ABHD8: variants seen among roughly 807,000 people sequenced by gnomAD.
The protein encoded by ABHD8 is protein ABHD8.
A neutral mutation model predicts 29.3 loss-of-function variants in ABHD8; 10 were observed. The ratio of observed to expected loss-of-function variants is 0.34; its 90% CI spans 0.21 to 0.58. The LOEUF (loss-of-function observed/expected upper bound fraction) is 0.58, where lower values mean the gene tolerates loss of function less well. ABHD8 is among the 20% of genes least tolerant of loss of function. The probability of loss-of-function intolerance (pLI) is 0.85; values close to 1 mark genes in which losing one functional copy is unlikely to be tolerated. For missense variants in ABHD8, 556 were observed against 615.3 expected, an observed-to-expected ratio of 0.90 and a Z score of 1.02; for synonymous variants, 282 against 274.6, an observed-to-expected ratio of 1.03 and a Z score of -0.27.
rs2074074330 is a variant in ABHD8 at position 17,292,421 on chromosome 19, C to T, written c.*240G>A. Reference sequence around the variant, plus strand: ...GTACAAGGTCATCTTCCGTGAGGGTCCCGGCTGCGGCCCCAAAACGCCGAT... The same window carrying T: ...GTACAAGGTCATCTTCCGTGAGGGTTCCGGCTGCGGCCCCAAAACGCCGAT... On this transcript the variant is annotated 3_prime_UTR_variant, in exon 5 of 5. Coordinates refer to ENST00000247706, the MANE Select transcript of ABHD8 (RefSeq NM_024527.5). 5.7e-6 allele frequency: 3 copies of T among 528,086 alleles called. No homozygotes were observed. The African/African-American group carries it at 6.1e-5, about 11-fold the overall frequency. The allele number at this position is 528,086 out of a possible 1,614,324, so 32.7% of individuals were successfully genotyped here.
chr19:17,294,184 A>G (rs915846860), intron 4 of ABHD8, 104 bp downstream of exon 4: 1 of 1,390,770 alleles, frequency 7.2e-7, no homozygotes, highest in African/African-American at 1.4e-5. Context: ...CTCGGGAAGA[A>G]AGCACGCCCA....
Position 17,294,360 on chromosome 19 carries a change from G to C in ABHD8, c.1077C>G (p.Thr359=), listed in dbSNP as rs776978981. The C allele has an allele frequency of 2.5e-6, 4 of 1,613,620 alleles. No individual in the cohort carries two copies. The highest frequency in any genetic ancestry group is 1.1e-5 in the South Asian group (1 of 91,088). Residue 359 remains threonine (T), a synonymous_variant, in exon 4 of 5, where the codon ACC becomes ACG. Transcript: ENST00000247706. ...TGCCGTGGACAAGCAGGACGGGCAC[G>C]GTGAGCTCGGCGTGGTAGACCTCGT... The part of the protein sequence containing the change: ...EGDEVYHAEL[T]VPVLLVHGMH...
chr19:17,294,532 C>G (rs1447342872), intron 3 of ABHD8, 28 bp from the exon 4 acceptor site: 1 of 1,613,044 alleles, frequency 6.2e-7, no homozygotes, highest in Non-Finnish European at 8.5e-7. Flanking sequence ...ACCGCTAGAG[C>G]CCCTTATGCC....
chr19:17,298,759 T>TTG (rs56279352), intron 2 of ABHD8, among the ~76,000 whole-genome samples: 11 of 105,812 alleles, frequency 1.0e-4, no homozygotes, highest in African/African-American at 3.6e-4. Flanking sequence ...TTTTTTTTTT[T>TTG]GGGCAGAGTC....
chr19:17,301,822 C>A (rs2074121433), intron 1 of ABHD8, among the ~76,000 whole-genome samples, 198 bp from the exon 2 acceptor site: 2 of 149,946 alleles, frequency 1.3e-5, no homozygotes, highest in Admixed American at 1.3e-4. Flanking sequence ...TTGAGACAGT[C>A]TCGCTTTGTC....
Position 17,301,607 on chromosome 19 carries a change from C to A in ABHD8, c.10G>T (p.Gly4Trp), listed in dbSNP as rs919856528. 1.9e-6 allele frequency: 3 copies of A among 1,551,410 alleles called. No homozygotes were observed. Among genetic ancestry groups the A allele is most frequent in the East Asian group, 2.3e-5 (1 of 44,204 alleles). MLT[G>W]VTDGIFCCLL... Reference sequence around the variant, plus strand: ...CAACAGAAGATACCGTCGGTCACCCCGGTCAGCATGGTGTGTCCTGTGAGT... The same window carrying A: ...CAACAGAAGATACCGTCGGTCACCCAGGTCAGCATGGTGTGTCCTGTGAGT... Residue 4 changes from glycine (G) to tryptophan (W), a missense_variant, in exon 2 of 5, where the codon GGG (glycine) becomes TGG (tryptophan). By Grantham distance (184) the Gly-to-Trp change is radical. Coordinates refer to ENST00000247706, the MANE Select transcript of ABHD8 (RefSeq NM_024527.5).
chr19:17,294,327 A>G lies in ABHD8; in HGVS notation c.1110T>C (p.Asp370=), dbSNP rs1284654419. The change falls in exon 4 of 5, where the codon GAT becomes GAC. Residue 370 remains aspartate, a synonymous_variant. Transcript: ENST00000247706. ...GGTCTTCCTCCACCGGCACAAACTT[A>G]TCGTGCATGCCGTGGACAAGCAGGA... ...VPVLLVHGMH[D]KFVPVEEDQR... is the part of the protein sequence containing the mutation. 6.2e-6 allele frequency: 10 copies of G among 1,611,306 alleles called. No individual in the cohort carries two copies. The highest frequency in any genetic ancestry group is 8.5e-6 in the Non-Finnish European group (10 of 1,179,936).
At chr19:17,297,286 GT>G (rs374440171) in intron 2 of ABHD8, among the ~76,000 whole-genome samples, 12 of 151,812 alleles carry the variant, frequency 7.9e-5, no homozygotes, top group East Asian at 5.8e-4. Context: ...GTAGGTGGGT[GT>G]TTTTTTTGTT....
At chr19:17,298,681 A>G (rs565723286) in intron 2 of ABHD8, among the ~76,000 whole-genome samples, 1 of 150,852 alleles carries the variant, frequency 6.6e-6, no homozygotes, top group East Asian at 2.0e-4. Flanking sequence ...ATAGCCCCTC[A>G]CAGAAAAAAA....
Position 17,292,499 on chromosome 19 carries a change from T to C in ABHD8, c.*162A>G. The C allele has an allele frequency of 1.2e-6, 1 of 821,528 alleles. No homozygotes were observed. Among genetic ancestry groups the C allele is most frequent in the East Asian group, 3.2e-5 (1 of 31,534 alleles). The allele number at this position is 821,528 out of a possible 1,614,324, so 50.9% of individuals were successfully genotyped here. On this transcript the variant is annotated 3_prime_UTR_variant, in exon 5 of 5. Transcript: ENST00000247706. ...GGAATGTCCGCTGGGCTCCCTCGGA[T>C]GCCACGCCCCGCCCAGGCAGCCTGG...
chr19:17,299,405 CA>C (rs1211271054), intron 2 of ABHD8, among the ~76,000 whole-genome samples: 1 of 151,556 alleles, frequency 6.6e-6, no homozygotes, highest in Non-Finnish European at 1.5e-5. Flanking sequence ...ACTAAAAAGA[CA>C]AAAAATTAGC....
intron 2 of ABHD8, chr19:17,298,563 C>A (rs1339153822): frequency 6.6e-6 from 1 of 151,986 alleles, no homozygotes; most frequent in East Asian, 1.9e-4. Flanking sequence ...ATTCTGCCCA[C>A]CAGGGCACGC....
Position 17,301,432 on chromosome 19 carries a change from G to A in ABHD8, c.185C>T (p.Ser62Phe), listed in dbSNP as rs1230406150. The change falls in exon 2 of 5, where the codon TCC (serine) becomes TTC (phenylalanine). Residue 62 changes from serine (S) to phenylalanine (F), a missense_variant. By Grantham distance (155) the Ser-to-Phe change is radical (BLOSUM62 -2). Around this residue, in one of 2 missense-constraint regions of ABHD8, gnomAD observed 286 missense variants for 261.4 expected, o/e 1.09. Coordinates refer to ENST00000247706, the MANE Select transcript of ABHD8 (RefSeq NM_024527.5). Reference sequence around the variant, plus strand: ...CCCCTGGGCTGCATCCGAGGATGCGGATGATGGTGGAGGTGGGGCAGCGGC... The same window carrying A: ...CCCCTGGGCTGCATCCGAGGATGCGAATGATGGTGGAGGTGGGGCAGCGGC... ...APAAAPPPPS[S>F]ASSDAAQGDL... 1 of 1,612,116 alleles carries A rather than the reference G, an allele frequency of 6.2e-7. No homozygotes were observed. Among genetic ancestry groups the A allele is most frequent in the South Asian group, 1.1e-5 (1 of 91,050 alleles).
At chr19:17,296,076 C>T (rs2074092805) in intron 2 of ABHD8, 1 of 152,248 alleles carries the variant, frequency 6.6e-6, no homozygotes. Context: ...GATTCTTCCC[C>T]TGGGGTCCAT....
At chr19:17,294,555 G>A (rs376684191) in intron 3 of ABHD8, 51 bp from the exon 4 acceptor site, 2 of 1,611,014 alleles carry the variant, frequency 1.2e-6, no homozygotes, top group Middle Eastern at 1.7e-4. Context: ...CCCGACTGCC[G>A]TGGGGTGCCC....
chr19:17,301,497 G>T lies in ABHD8; in HGVS notation c.120C>A (p.Pro40=). The change falls in exon 2 of 5, where the codon CCC becomes CCA. Residue 40 remains proline (P), a synonymous_variant. Coordinates refer to ENST00000247706, the MANE Select transcript of ABHD8 (RefSeq NM_024527.5). ...CATGCTTCACCCGCAGCACGCGGCC[G>T]GGCTTGACCTCTACAAAGGTGTAGC... ...SDGYTFVEVK[P]GRVLRVKHAG... is the part of the protein sequence containing the mutation. The T allele has an allele frequency of 6.2e-7, 1 of 1,611,706 alleles. No homozygotes were observed. The highest frequency in any genetic ancestry group is 1.1e-5 in the South Asian group (1 of 90,996).
chr19:17,292,921 C>T, intron 4 of ABHD8, 90 bp from the exon 5 acceptor site: 1 of 1,391,862 alleles, frequency 7.2e-7, no homozygotes, highest in Non-Finnish European at 9.7e-7. Flanking sequence ...ACACATGGCC[C>T]ACAGCATCCA....
chr19:17,294,536 T>A, intron 3 of ABHD8, 32 bp from the exon 4 acceptor site: 6 of 1,612,892 alleles, frequency 3.7e-6, no homozygotes, highest in Non-Finnish European at 5.1e-6. Context: ...CTAGAGCCCC[T>A]TATGCCAGCC....
At position 17,292,456 on chromosome 19, in the gene ABHD8, G is replaced by T; in HGVS notation, c.*205C>A. On this transcript the variant is annotated 3_prime_UTR_variant, in exon 5 of 5. Coordinates refer to ENST00000247706, the MANE Select transcript of ABHD8 (RefSeq NM_024527.5). Reference sequence around the variant, plus strand: ...GCCCCAAAACGCCGATGGGCCCCGCGGGACGGAAGCGGAGAGCGGAATGTC... The same window carrying T: ...GCCCCAAAACGCCGATGGGCCCCGCTGGACGGAAGCGGAGAGCGGAATGTC... The T allele has an allele frequency of 1.7e-6, 1 of 596,894 alleles. No homozygotes were observed. Among genetic ancestry groups the T allele is most frequent in the Non-Finnish European group, 2.7e-6 (1 of 369,612 alleles). 37.0% of individuals were successfully genotyped at this position (596,894 alleles called of 1,614,324 possible).
Sources: gnomAD v4.1 joint callset for allele counts (sites outside exome capture counted in the v4.1 genomes callset) on GRCh38, gnomAD v4.1.1 for gene constraint, gnomAD v4.1.1 regional missense constraint, MANE v1.5 for transcripts, NCBI Gene and HGNC (gene_info 2026-07-23, HGNC 2026-07-21) for gene names.